CCDC60: variants seen among roughly 807,000 people sequenced by gnomAD.
CCDC60 encodes coiled-coil domain-containing protein 60.
CCDC60 carries 54 observed loss-of-function variants against 63.5 expected under a neutral mutation model. The observed-to-expected ratio is 0.85, with a 90% CI of 0.68 to 1.07. CCDC60 has a LOEUF of 1.07. Ranked by LOEUF, CCDC60 falls within the 50% of genes least tolerant of loss-of-function variation. The pLI is 0.00. For synonymous variants in CCDC60, 206 were observed against 238.8 expected (o/e 0.86, Z 1.27); for missense variants, 651 against 684.3 (o/e 0.95, Z 0.54).
chr12:119,396,633 A>G (rs2136210038), intron 1 of CCDC60, among the ~76,000 whole-genome samples: 1 of 152,306 alleles, frequency 6.6e-6, no homozygotes, highest in African/African-American at 2.4e-5. Context: ...TAATCCCAGC[A>G]CTTTGAGAGG....
At chr12:119,389,800 A>C (rs1225607280) in intron 1 of CCDC60, among the ~76,000 whole-genome samples, 1 of 152,038 alleles carries the variant, frequency 6.6e-6, no homozygotes, top group Non-Finnish European at 1.5e-5. Flanking sequence ...ACACACACAC[A>C]CATACACAGA....
chr12:119,540,930 A>G lies in CCDC60; in HGVS notation c.*215A>G. 2.1e-6 allele frequency: 1 copy of G among 469,134 alleles called. No individual in the cohort carries two copies. Among genetic ancestry groups the G allele is most frequent in the Non-Finnish European group, 3.8e-6 (1 of 264,866 alleles). The allele number at this position is 469,134 out of a possible 1,614,324, so 29.1% of individuals were successfully genotyped here. A position where few individuals can be genotyped will look rare whatever the true frequency, so the allele number is the denominator to read the frequency against. On this transcript the variant is annotated 3_prime_UTR_variant, in exon 14 of 14. Coordinates refer to ENST00000327554, the MANE Select transcript of CCDC60 (RefSeq NM_178499.5). Reference sequence around the variant, plus strand: ...CCCTCAATTCCACACCCCAGACCCAACCTACCAGTCTCTGTTCTTCAATGA... The same window carrying G: ...CCCTCAATTCCACACCCCAGACCCAGCCTACCAGTCTCTGTTCTTCAATGA...
chr12:119,345,619 T>C (rs932960271), intron 1 of CCDC60, among the ~76,000 whole-genome samples: 5 of 152,064 alleles, frequency 3.3e-5, no homozygotes, highest in Admixed American at 6.6e-5. Flanking sequence ...TCAGTTTAGA[T>C]GGGACATAGA....
intron 1 of CCDC60, chr12:119,387,910 TA>T (rs1233500311): frequency 3.3e-5 from 5 of 152,280 alleles, no homozygotes; most frequent in African/African-American, 1.2e-4. Flanking sequence ...TTTGGACACA[TA>T]AGGCCCCATT....
intron 1 of CCDC60, among the ~76,000 whole-genome samples, chr12:119,399,530 G>A (rs1956348935): frequency 6.6e-6 from 1 of 152,178 alleles, no homozygotes; most frequent in East Asian, 1.9e-4. Flanking sequence ...AACAGTGCGT[G>A]TCGGGTGCAG....
chr12:119,492,295 T>C (rs559220780), intron 5 of CCDC60, among the ~76,000 whole-genome samples: 9 of 152,188 alleles, frequency 5.9e-5, no homozygotes, highest in African/African-American at 2.2e-4. Flanking sequence ...TTCCACGGTG[T>C]AAATACTCCC....
intron 1 of CCDC60, among the ~76,000 whole-genome samples, chr12:119,353,546 C>G (rs970917020): frequency 2.0e-5 from 3 of 149,970 alleles, no homozygotes; most frequent in Admixed American, 6.7e-5. Context: ...TTCTTTGTCT[C>G]TCTATGTTTC....
intron 1 of CCDC60, among the ~76,000 whole-genome samples, chr12:119,350,826 G>T (rs765839127): frequency 6.6e-6 from 1 of 152,124 alleles, no homozygotes; most frequent in Non-Finnish European, 1.5e-5. Flanking sequence ...CCTGCATACT[G>T]GTGGGAGTCA....
In CCDC60 at chr12:119,477,962, AAG is replaced by A. The variant is rs1951215254; in HGVS notation, c.342-1127_342-1126del. Among the ~76,000 whole-genome samples, 3 of 152,034 alleles carry A rather than the reference AAG, an allele frequency of 2.0e-5. No homozygotes were observed. The South Asian group carries it at 6.3e-4, about 32-fold the overall frequency. On this transcript the variant is annotated intron_variant, in intron 3 of 13. Coordinates refer to ENST00000327554, the MANE Select transcript of CCDC60 (RefSeq NM_178499.5). ...AGAGAGAGAGAGAAAGAGAGAGAAA[AAG>A]AGAGTGGATTAATTAAAATATATCT... is the stretch of plus-strand genomic sequence containing the variant.
At chr12:119,506,451 A>G (rs1367188114) in intron 7 of CCDC60, among the ~76,000 whole-genome samples, 5 of 151,314 alleles carry the variant, frequency 3.3e-5, no homozygotes, top group African/African-American at 1.2e-4. Flanking sequence ...AAAAAAAAAA[A>G]AAAAAAAAAA....
intron 2 of CCDC60, among the ~76,000 whole-genome samples, chr12:119,435,010 G>A (rs1950300224): frequency 6.6e-6 from 1 of 152,206 alleles, no homozygotes; most frequent in South Asian, 2.1e-4. Flanking sequence ...TGGCTTCAAT[G>A]AGGGAAACAG....
intron 2 of CCDC60, among the ~76,000 whole-genome samples, chr12:119,444,731 T>C (rs952395008): frequency 6.6e-6 from 1 of 152,184 alleles, no homozygotes; most frequent in African/African-American, 2.4e-5. Context: ...ATCCACACCA[T>C]CATCGCTCTC....
intron 1 of CCDC60, among the ~76,000 whole-genome samples, chr12:119,396,595 T>C (rs1296534860): frequency 3.3e-5 from 5 of 152,100 alleles, no homozygotes; most frequent in African/African-American, 9.7e-5. Flanking sequence ...AAAGATCAAA[T>C]TGGGCCAGAC....
rs890971739 is a variant in CCDC60, at chr12:119,409,853, C to T, written c.91-18830C>T. 2.6e-5 allele frequency among the ~76,000 whole-genome samples: 4 copies of T among 151,968 alleles called. No homozygotes were observed. The South Asian group carries it at 8.3e-4, about 32-fold the overall frequency. ...TCTGTCTGCCTCTCTCTGTGTGTCT[C>T]CTTCTCACTCTTTCTCTCTCTCTGC... On this transcript the variant is annotated intron_variant, in intron 1 of 13. Coordinates refer to ENST00000327554, the MANE Select transcript of CCDC60 (RefSeq NM_178499.5).
intron 4 of CCDC60, among the ~76,000 whole-genome samples, chr12:119,482,155 C>T (rs903465568): frequency 7.2e-6 from 1 of 138,020 alleles, no homozygotes; most frequent in Non-Finnish European, 1.7e-5. Context: ...CACACACACA[C>T]ACATACACAC....
At chr12:119,497,066 G>A (rs994387317) in intron 5 of CCDC60, among the ~76,000 whole-genome samples, 6 of 152,102 alleles carry the variant, frequency 3.9e-5, no homozygotes, top group East Asian at 1.9e-4. Context: ...CACCATCAAC[G>A]AGGCAGAAAA....
chr12:119,363,269 C>T (rs1157237347), intron 1 of CCDC60, among the ~76,000 whole-genome samples: 1 of 152,090 alleles, frequency 6.6e-6, no homozygotes, highest in Non-Finnish European at 1.5e-5. Context: ...CTGAATTTTC[C>T]TGATGAGTAA....
rs375852569 is a variant in CCDC60, at chr12:119,344,643, A to G, written c.90+9377A>G. The stretch of plus-strand genomic sequence containing the variant: ...TTCCCCTTGTTAAAACAATTCAATG[A>G]CCCTCTATTGTCCTGAAAATGAAGA... On this transcript the variant is annotated intron_variant, in intron 1 of 13. Coordinates refer to ENST00000327554, the MANE Select transcript of CCDC60 (RefSeq NM_178499.5). Among the ~76,000 whole-genome samples, 6 of 152,112 alleles carry G rather than the reference A, an allele frequency of 3.9e-5. No individual in the cohort carries two copies. In the South Asian group the frequency reaches 6.2e-4, roughly 16 times the overall value.
At chr12:119,343,866 C>A (rs1420913738) in intron 1 of CCDC60, among the ~76,000 whole-genome samples, 1 of 151,684 alleles carries the variant, frequency 6.6e-6, no homozygotes, top group Admixed American at 6.6e-5. Flanking sequence ...CATTCTCCTG[C>A]AAAAAACAAC....
Sources: allele counts gnomAD v4.1 joint callset (sites outside exome capture counted in the v4.1 genomes callset), GRCh38; gene constraint gnomAD v4.1.1; transcripts MANE v1.5; gene names NCBI Gene and HGNC (gene_info 2026-07-23, HGNC 2026-07-21).